SOX6: variants seen among roughly 807,000 people sequenced by gnomAD.
SOX6 encodes transcription factor SOX-6.
A neutral mutation model predicts 97.8 loss-of-function variants in SOX6; 11 were observed. The ratio of observed to expected loss-of-function variants is 0.11; its 90% CI spans 0.07 to 0.19. The LOEUF (loss-of-function observed/expected upper bound fraction) is 0.19, where lower values mean the gene tolerates loss of function less well. Among genes scored for constraint, SOX6 ranks in the 10% least tolerant of loss-of-function variants. The pLI is 1.00. For missense variants in SOX6, 810 were observed against 1,039.5 expected, an observed-to-expected ratio of 0.78 and a Z score of 3.04; for synonymous variants, 360 against 371.4, an observed-to-expected ratio of 0.97 and a Z score of 0.35.
At chr11:16,725,681 CAG>C (rs1337131749) in intron 2 of SOX6, among the ~76,000 whole-genome samples, 3 of 151,962 alleles carry the variant, frequency 2.0e-5, no homozygotes, top group African/African-American at 7.3e-5. Context: ...CTAACAGGTG[CAG>C]AGTTTCTTTT....
intron 6 of SOX6, among the ~76,000 whole-genome samples, chr11:16,112,424 G>A (rs1412397452): frequency 6.6e-6 from 1 of 152,090 alleles, no homozygotes; most frequent in Non-Finnish European, 1.5e-5. Flanking sequence ...CATGCATTAT[G>A]TTAAACATAT....
At chr11:16,299,624 CT>C (rs1855197165) in intron 3 of SOX6, among the ~76,000 whole-genome samples, 1 of 152,040 alleles carries the variant, frequency 6.6e-6, no homozygotes, top group Non-Finnish European at 1.5e-5. Context: ...GAATAGTCAA[CT>C]ACGATAGGTA....
At chr11:16,596,488 T>C (rs879614524) in intron 4 of SOX6, among the ~76,000 whole-genome samples, 5 of 152,224 alleles carry the variant, frequency 3.3e-5, no homozygotes, top group Non-Finnish European at 5.9e-5. Flanking sequence ...TACTGTCAAA[T>C]GTTCCCCCAT....
intron 4 of SOX6, among the ~76,000 whole-genome samples, chr11:16,515,256 G>T (rs1860950755): frequency 6.6e-6 from 1 of 152,014 alleles, no homozygotes; most frequent in Non-Finnish European, 1.5e-5. Context: ...GTGTGAGATG[G>T]TATCTCATTG....
intron 3 of SOX6, among the ~76,000 whole-genome samples, chr11:16,278,304 G>C (rs1854456301): frequency 6.6e-6 from 1 of 151,976 alleles, no homozygotes; most frequent in Non-Finnish European, 1.5e-5. Flanking sequence ...TTACCTACCT[G>C]AGAGCATTCA....
At chr11:16,595,842 A>C (rs1008531425) in intron 4 of SOX6, among the ~76,000 whole-genome samples, 1 of 152,144 alleles carries the variant, frequency 6.6e-6, no homozygotes, top group Non-Finnish European at 1.5e-5. Context: ...CCCCATTGGA[A>C]AGTTATCAGT....
intron 1 of SOX6, among the ~76,000 whole-genome samples, chr11:16,390,512 TA>T (rs1463291374): frequency 6.6e-6 from 1 of 152,200 alleles, no homozygotes; most frequent in Non-Finnish European, 1.5e-5. Context: ...AGATTTCTTG[TA>T]TTGCCTTAAA....
intron 3 of SOX6, among the ~76,000 whole-genome samples, chr11:16,295,260 T>C (rs963355205): frequency 6.6e-6 from 1 of 152,132 alleles, no homozygotes; most frequent in Non-Finnish European, 1.5e-5. Flanking sequence ...ATTTGATAAA[T>C]TGTGCATTTT....
At chr11:16,548,504 A>G (rs945365508) in intron 4 of SOX6, among the ~76,000 whole-genome samples, 1 of 152,212 alleles carries the variant, frequency 6.6e-6, no homozygotes, top group African/African-American at 2.4e-5. Flanking sequence ...TATAGAACAT[A>G]AAACTATAAA....
intron 4 of SOX6, among the ~76,000 whole-genome samples, chr11:16,196,801 G>T (rs1447775166): frequency 6.9e-6 from 1 of 144,974 alleles, no homozygotes; most frequent in Non-Finnish European, 1.5e-5. Flanking sequence ...AGACTGATTT[G>T]ACTGGTCCTC....
At chr11:16,254,452 G>A (rs1318761670) in intron 3 of SOX6, among the ~76,000 whole-genome samples, 3 of 151,970 alleles carry the variant, frequency 2.0e-5, no homozygotes, top group Non-Finnish European at 4.4e-5. Flanking sequence ...TTATGTATAT[G>A]TGAAGGAATG....
In SOX6 at chr11:16,613,030, G is replaced by A. The variant is rs1462521602; in HGVS notation, n.430-770C>T. On this transcript the variant is annotated intron_variant and non_coding_transcript_variant, in intron 3 of 5. Coordinates refer to the SOX6 transcript ENST00000524520. The surrounding 1 kb of genome is among the most constrained non-coding windows in gnomAD (Gnocchi z 4.6). ...CTGTACCGACTTCTGGATTTGCCCT[G>A]GGTTGAGTTTAGGGAATGTCTGGAA... The A allele has an allele frequency of 6.6e-6, 1 of 152,536 alleles. No homozygotes were observed. The highest frequency in any genetic ancestry group is 1.5e-5 in the Non-Finnish European group (1 of 68,362). 9.4% of individuals were successfully genotyped at this position (152,536 alleles called of 1,614,324 possible).
chr11:16,130,451 C>A (rs1288710360), intron 6 of SOX6, among the ~76,000 whole-genome samples: 2 of 151,806 alleles, frequency 1.3e-5, no homozygotes, highest in African/African-American at 2.4e-5. Flanking sequence ...GCATATCATA[C>A]ACCATAAATA....
At chr11:16,590,662 G>A (rs1848139405) in intron 4 of SOX6, among the ~76,000 whole-genome samples, 1 of 152,086 alleles carries the variant, frequency 6.6e-6, no homozygotes, top group South Asian at 2.1e-4. Context: ...AATGGAACTG[G>A]AGGTCATAAT....
chr11:16,599,518 A>T (rs1285788747), intron 4 of SOX6, among the ~76,000 whole-genome samples: 1 of 152,206 alleles, frequency 6.6e-6, no homozygotes. Flanking sequence ...CTCTTTAGAT[A>T]AATATAAAGA....
intron 4 of SOX6, among the ~76,000 whole-genome samples, chr11:16,527,935 AT>A (rs1164828569): frequency 1.3e-5 from 2 of 152,182 alleles, no homozygotes; most frequent in Non-Finnish European, 2.9e-5. Flanking sequence ...TTTATGGTAC[AT>A]AACAACCTCA....
At chr11:16,075,391 A>G (rs1379585209) in intron 9 of SOX6, among the ~76,000 whole-genome samples, 1 of 152,220 alleles carries the variant, frequency 6.6e-6, no homozygotes, top group African/African-American at 2.4e-5. Flanking sequence ...ACAATAGCAA[A>G]GACTTGGAAC....
intron 3 of SOX6, among the ~76,000 whole-genome samples, chr11:16,254,147 T>A (rs1230398383): frequency 6.6e-6 from 1 of 151,250 alleles, no homozygotes; most frequent in Non-Finnish European, 1.5e-5. Context: ...AAAAGTAAAG[T>A]AGAAATGAAG....
chr11:16,638,651 G>A (rs183194277), intron 3 of SOX6, among the ~76,000 whole-genome samples: 10 of 152,322 alleles, frequency 6.6e-5, no homozygotes, highest in Admixed American at 1.3e-4. Context: ...GGTTTGATAT[G>A]CATTTCTCTG....
Sources: gnomAD v4.1 joint callset for allele counts (sites outside exome capture counted in the v4.1 genomes callset) on GRCh38, gnomAD v4.1.1 for gene constraint, Gnocchi (gnomAD v3.1) non-coding constraint, MANE v1.5 for transcripts, NCBI Gene and HGNC (gene_info 2026-07-23, HGNC 2026-07-21) for gene names.